The following DNAH9 variants were observed in gnomAD, a reference collection of about 807,000 sequenced individuals.
The protein encoded by DNAH9 is DNAH9 variant protein.
A neutral mutation model predicts 471.6 loss-of-function variants in DNAH9; 345 were observed. The ratio of observed to expected loss-of-function variants is 0.73; its 90% CI spans 0.67 to 0.80. The LOEUF is 0.80. DNAH9 is among the 30% of genes least tolerant of loss of function. The probability of loss-of-function intolerance (pLI) is 0.00; values close to 1 mark genes in which losing one functional copy is unlikely to be tolerated. For missense variants in DNAH9, 5,407 were observed against 5,609.2 expected (o/e 0.96, Z 1.15); for synonymous variants, 2,093 against 2,123.6 (o/e 0.99, Z 0.40).
At chr17:11,917,355 C>T (rs1331310045) in intron 61 of DNAH9, among the ~76,000 whole-genome samples, 2 of 152,072 alleles carry the variant, frequency 1.3e-5, no homozygotes, top group Non-Finnish European at 2.9e-5. Flanking sequence ...TGGGGTTTCA[C>T]CATGTTGGCC....
intron 4 of DNAH9, among the ~76,000 whole-genome samples, chr17:11,615,992 G>T (rs1413414728): frequency 6.6e-6 from 1 of 152,098 alleles, no homozygotes; most frequent in South Asian, 2.1e-4. Context: ...CAAAAAATTC[G>T]ATTCACATAC....
At chr17:11,891,748 C>T in intron 57 of DNAH9, 29 bp from the exon 58 acceptor site, 1 of 1,611,360 alleles carries the variant, frequency 6.2e-7, no homozygotes, top group Non-Finnish European at 8.5e-7. Context: ...GGCTGTGTAC[C>T]TTACCAGTTT....
intron 49 of DNAH9, among the ~76,000 whole-genome samples, chr17:11,847,807 G>A (rs1210964369): frequency 6.6e-6 from 1 of 152,042 alleles, no homozygotes; most frequent in African/African-American, 2.4e-5. Flanking sequence ...TTATATCAAT[G>A]GACTGCCTTT....
At chr17:11,783,545 C>G in intron 39 of DNAH9, 101 bp from the exon 40 acceptor site, 1 of 782,034 alleles carries the variant, frequency 1.3e-6, no homozygotes, top group Non-Finnish European at 2.1e-6. Context: ...TTTTATCACC[C>G]AAACACATGA....
chr17:11,793,894 A>G (rs537378108), intron 42 of DNAH9, among the ~76,000 whole-genome samples: 1 of 152,114 alleles, frequency 6.6e-6, no homozygotes, highest in Non-Finnish European at 1.5e-5. Flanking sequence ...CATCTGATCC[A>G]AGTCCCCACA....
At chr17:11,688,874 G>T (rs2074284804) in intron 19 of DNAH9, among the ~76,000 whole-genome samples, 1 of 152,050 alleles carries the variant, frequency 6.6e-6, no homozygotes, top group Non-Finnish European at 1.5e-5. Flanking sequence ...AAGGCGGGTG[G>T]ATCACGAGGT....
chr17:11,884,647 G>C (rs903506248), intron 56 of DNAH9: 7 of 444,882 alleles, frequency 1.6e-5, no homozygotes, highest in Non-Finnish European at 3.2e-5. Context: ...CCACTCTGGG[G>C]TGAGGGACAG....
At chr17:11,715,299 G>A (rs2150795309) in intron 26 of DNAH9, among the ~76,000 whole-genome samples, 1 of 152,232 alleles carries the variant, frequency 6.6e-6, no homozygotes, top group African/African-American at 2.4e-5. Flanking sequence ...TTGTCTCATA[G>A]TATCCTCATA....
intron 1 of DNAH9, among the ~76,000 whole-genome samples, chr17:11,600,586 A>G (rs2072364324): frequency 6.6e-6 from 1 of 152,236 alleles, no homozygotes; most frequent in Admixed American, 6.5e-5. Context: ...GGACTGGGTG[A>G]CTGAATTATG....
intron 9 of DNAH9, among the ~76,000 whole-genome samples, chr17:11,639,505 C>T (rs1027121382): frequency 2.0e-5 from 3 of 152,196 alleles, no homozygotes; most frequent in South Asian, 2.1e-4. Context: ...TGTGCTGACT[C>T]GAGTCCAGGG....
chr17:11,763,520 A>G lies in DNAH9; in HGVS notation c.7076A>G (p.Glu2359Gly), dbSNP rs1967804494. 1.2e-6 allele frequency: 2 copies of G among 1,614,026 alleles called. No individual in the cohort carries two copies. The highest frequency in any genetic ancestry group is 1.3e-5 in the African/African-American group (1 of 75,022). ...CHLLECLLTT[E>G]DIPADCPKEI... ...CTTCTGGAATGTCTCCTGACCACGG[A>G]GGACATCCCTGCAGACTGCCCTAAG... The change falls in exon 36 of 69, where the codon GAG (glutamate) becomes GGG (glycine). Residue 2359 changes from glutamate to glycine, a missense_variant. By Grantham distance (98) the Glu-to-Gly change is moderately conservative (BLOSUM62 -2). Coordinates refer to ENST00000262442, the MANE Select transcript of DNAH9 (RefSeq NM_001372.4).
In DNAH9 at chr17:11,810,436, A is replaced by G. The variant is rs1969853110; in HGVS notation, c.8707+67A>G. The G allele has an allele frequency of 1.6e-5, 25 of 1,555,012 alleles. No homozygotes were observed. In the East Asian group the frequency reaches 5.8e-4, roughly 36 times the overall value. On this transcript the variant is annotated intron_variant, in intron 45 of 68. Transcript: ENST00000262442. ...CTGGAATCAGAGTTATACAAAGGTG[A>G]AGATTTCGTCCAGGGTGGGAAGAGT... is the stretch of plus-strand genomic sequence containing the variant.
intron 17 of DNAH9, 30 bp from the exon 18 acceptor site, chr17:11,679,727 G>T: frequency 6.8e-7 from 1 of 1,462,324 alleles, no homozygotes; most frequent in South Asian, 1.1e-5. Flanking sequence ...GAACGAGAAT[G>T]GTTCCTCATG....
intron 67 of DNAH9, among the ~76,000 whole-genome samples, chr17:11,945,980 G>A (rs1975104308): frequency 1.3e-5 from 2 of 151,652 alleles, no homozygotes; most frequent in African/African-American, 2.4e-5. Flanking sequence ...GGGCGGATCA[G>A]TTGAGGTCAG....
chr17:11,850,634 G>C (rs1461508400), intron 49 of DNAH9, among the ~76,000 whole-genome samples: 6 of 140,698 alleles, frequency 4.3e-5, no homozygotes, highest in Non-Finnish European at 7.6e-5. Context: ...CTGGGCGACA[G>C]TGTGAGACTC....
chr17:11,896,305 T>C (rs1009686367), intron 59 of DNAH9, among the ~76,000 whole-genome samples: 1 of 152,164 alleles, frequency 6.6e-6, no homozygotes, highest in South Asian at 2.1e-4. Flanking sequence ...ATAACAATTA[T>C]GAGGGCCACT....
At chr17:11,725,564 C>T (rs2075135817) in intron 27 of DNAH9, among the ~76,000 whole-genome samples, 1 of 152,138 alleles carries the variant, frequency 6.6e-6, no homozygotes, top group Non-Finnish European at 1.5e-5. Flanking sequence ...TTTTTCCCTT[C>T]TCCTTCAAAG....
intron 38 of DNAH9, among the ~76,000 whole-genome samples, chr17:11,777,950 C>A (rs772039102): frequency 2.2e-4 from 34 of 151,852 alleles, no homozygotes; most frequent in Non-Finnish European, 4.0e-4. Context: ...GGGTAATACA[C>A]AAGATAATAA....
chr17:11,746,470 C>T (rs1464041054), intron 31 of DNAH9, among the ~76,000 whole-genome samples: 1 of 152,104 alleles, frequency 6.6e-6, no homozygotes, highest in East Asian at 1.9e-4. Context: ...GATCAGACTC[C>T]ATGCTCTGTT....
Sources: gnomAD v4.1 joint callset for allele counts (sites outside exome capture counted in the v4.1 genomes callset) on GRCh38, gnomAD v4.1.1 for gene constraint, MANE v1.5 for transcripts, NCBI Gene and HGNC (gene_info 2026-07-23, HGNC 2026-07-21) for gene names.